Variants in TINAG observed in about 807,000 individuals in gnomAD.
TINAG encodes the protein tubulointerstitial nephritis antigen.
Under a neutral mutation model 72.7 loss-of-function variants are expected in TINAG, and 83 were observed. The ratio of observed to expected loss-of-function variants is 1.14; its 90% CI spans 0.96 to 1.37. The LOEUF is 1.37. Ranked by LOEUF, TINAG falls within the 40% of genes most tolerant of loss-of-function variation. The pLI is 0.00. For missense variants in TINAG, 685 were observed against 576.6 expected (o/e 1.19, Z -1.93); for synonymous variants, 234 against 189.9 (o/e 1.23, Z -1.91).
intron 8 of TINAG, among the ~76,000 whole-genome samples, chr6:54,352,363 C>A (rs1785286160): frequency 2.0e-5 from 3 of 151,702 alleles, no homozygotes; most frequent in South Asian, 2.1e-4. Context: ...TCATTATCAC[C>A]ACTTAGCATT....
intron 1 of TINAG, among the ~76,000 whole-genome samples, chr6:54,309,981 C>T (rs1241403090): frequency 1.3e-5 from 2 of 152,044 alleles, no homozygotes; most frequent in African/African-American, 2.4e-5. Context: ...TATTTATCCT[C>T]GGTCTTTACA....
At chr6:54,315,593 C>T (rs979416274) in intron 1 of TINAG, among the ~76,000 whole-genome samples, 2 of 151,992 alleles carry the variant, frequency 1.3e-5, no homozygotes, top group African/African-American at 4.8e-5. Context: ...AGGAGGATCC[C>T]TTAAGCCCAG....
chr6:54,366,273 T>C (rs1287064783), intron 9 of TINAG, among the ~76,000 whole-genome samples: 6 of 151,552 alleles, frequency 4.0e-5, no homozygotes, highest in Admixed American at 3.3e-4. Context: ...TGTGTGTGTG[T>C]GTGTGAAAAG....
intron 3 of TINAG, among the ~76,000 whole-genome samples, chr6:54,325,591 C>A (rs921905641): frequency 5.9e-5 from 9 of 152,068 alleles, no homozygotes; most frequent in African/African-American, 2.2e-4. Context: ...CCTATTATTT[C>A]TCCTATCTTC....
In TINAG at chr6:54,321,385, G is replaced by T; in HGVS notation, c.508G>T (p.Gly170Ter). Residue 170 changes from glycine (G) to a stop codon, truncating the protein, a stop_gained and splice_region_variant, in exon 3 of 11, where the codon GGA becomes TGA. Transcript: ENST00000259782. LOFTEE classifies it high-confidence loss of function. ...TGAACAGGTCAATAAAGGAGACTAT[G>T]GGTGAGAGAAATCTTGCTTTGTATG... ...LIEQVNKGDY[G>*]WTAQNYSQFW... 1 of 1,606,578 alleles carries T rather than the reference G, an allele frequency of 6.2e-7. No individual in the cohort carries two copies. Among genetic ancestry groups the T allele is most frequent in the Non-Finnish European group, 8.5e-7 (1 of 1,173,664 alleles).
rs745516423 is a variant in TINAG, at chr6:54,380,529, G to C, written c.1254G>C (p.Trp418Cys). 1 of 1,608,448 alleles carries C rather than the reference G, an allele frequency of 6.2e-7. No individual in the cohort carries two copies. Among genetic ancestry groups the C allele is most frequent in the South Asian group, 1.1e-5 (1 of 90,566 alleles). The stretch of plus-strand genomic sequence containing the variant: ...TTATTATTGTTATTAATTGTAGATG[G>C]GGCACACTGAGAGGAGCACAAGGGC... ...LQTHAVKLTG[W>C]GTLRGAQGQK... The change falls in exon 10 of 11, where the codon TGG (tryptophan) becomes TGC (cysteine). Residue 418 changes from tryptophan to cysteine, a missense_variant. By Grantham distance (215) the Trp-to-Cys change is radical. Transcript: ENST00000259782.
intron 9 of TINAG, among the ~76,000 whole-genome samples, chr6:54,378,819 C>T (rs1763860868): frequency 6.6e-6 from 1 of 152,140 alleles, no homozygotes. Flanking sequence ...AACCTAGTCT[C>T]TATCAGGAAT....
At chr6:54,337,246 A>ATTTTTTTTTTTTTTTTTTTTTT (rs34286210) in intron 4 of TINAG, among the ~76,000 whole-genome samples, 1 of 94,086 alleles carries the variant, frequency 1.1e-5, no homozygotes. Context: ...TGGGATTTGA[A>ATTTTTTTTTTTTTTTTTTTTTT]TTTTTTTTTT....
intron 4 of TINAG, among the ~76,000 whole-genome samples, chr6:54,330,863 G>C (rs961991361): frequency 1.6e-4 from 25 of 152,096 alleles, no homozygotes; most frequent in African/African-American, 6.0e-4. Context: ...TAGAAGAAAT[G>C]GATGAATTCC....
intron 4 of TINAG, among the ~76,000 whole-genome samples, chr6:54,329,774 G>A (rs1391399032): frequency 1.3e-5 from 2 of 151,904 alleles, no homozygotes; most frequent in South Asian, 2.1e-4. Flanking sequence ...AAGTGATGGA[G>A]GAATATTTAC....
chr6:54,380,513 T>A lies in TINAG; in HGVS notation c.1251-13T>A. 1.2e-6 allele frequency: 2 copies of A among 1,605,246 alleles called. No individual in the cohort carries two copies. Among genetic ancestry groups the A allele is most frequent in the Non-Finnish European group, 1.7e-6 (2 of 1,174,818 alleles). On this transcript the variant is annotated splice_polypyrimidine_tract_variant and intron_variant, in intron 9 of 10. Transcript: ENST00000259782. ...TTAACCATACCAATCTTTATTATTG[T>A]TATTAATTGTAGATGGGGCACACTG...
intron 3 of TINAG, among the ~76,000 whole-genome samples, chr6:54,326,294 C>T (rs1456924894): frequency 6.6e-6 from 1 of 151,726 alleles, no homozygotes; most frequent in Non-Finnish European, 1.5e-5. Context: ...ATTTCAATAT[C>T]TGATTAATTA....
rs1430071509 is a variant in TINAG, at chr6:54,320,652, T to G, written c.419+10T>G. The G allele has an allele frequency of 6.2e-7, 1 of 1,604,934 alleles. No individual in the cohort carries two copies. Among genetic ancestry groups the G allele is most frequent in the South Asian group, 1.1e-5 (1 of 89,618 alleles). ...AAAACTGCAACTCCTGGTAATAAAT[T>G]TAAGTGGCACAGAACTGAGTTCTAC... is the stretch of plus-strand genomic sequence containing the variant. On this transcript the variant is annotated intron_variant, in intron 2 of 10. Coordinates refer to ENST00000259782, the MANE Select transcript of TINAG (RefSeq NM_014464.4).
At chr6:54,343,432 A>G in intron 5 of TINAG, 83 bp downstream of exon 5, 1 of 1,237,668 alleles carries the variant, frequency 8.1e-7, no homozygotes, top group Non-Finnish European at 1.1e-6. Flanking sequence ...CAATTTTAAC[A>G]ATTAGAATAT....
intron 6 of TINAG, among the ~76,000 whole-genome samples, chr6:54,348,269 C>A (rs72959309): frequency 6.6e-6 from 1 of 151,994 alleles, no homozygotes; most frequent in Non-Finnish European, 1.5e-5. Context: ...TTTTTTCATA[C>A]GTTTTGCCTA....
chr6:54,365,745 A>C (rs1763388947), intron 9 of TINAG, among the ~76,000 whole-genome samples: 1 of 151,556 alleles, frequency 6.6e-6, no homozygotes, highest in South Asian at 2.1e-4. Context: ...TAAAGGAAAA[A>C]CCCATTAGAG....
At chr6:54,380,415 G>A in intron 9 of TINAG, 111 bp from the exon 10 acceptor site, 1 of 805,402 alleles carries the variant, frequency 1.2e-6, no homozygotes, top group Non-Finnish European at 2.0e-6. Flanking sequence ...GAAACAGGAT[G>A]GGACAGAGAG....
intron 9 of TINAG, among the ~76,000 whole-genome samples, chr6:54,376,776 T>C (rs1763795551): frequency 6.6e-6 from 1 of 152,164 alleles, no homozygotes; most frequent in Admixed American, 6.6e-5. Flanking sequence ...CTTTATGGTC[T>C]TTCCATAAAG....
chr6:54,350,036 AT>A (rs887066593), intron 7 of TINAG, 140 bp downstream of exon 7: 25 of 552,486 alleles, frequency 4.5e-5, no homozygotes, highest in Non-Finnish European at 5.8e-5. Flanking sequence ...AATTTTTAAT[AT>A]TTTTAAGGAC....
Sources: allele counts gnomAD v4.1 joint callset (sites outside exome capture counted in the v4.1 genomes callset), GRCh38; gene constraint gnomAD v4.1.1; transcripts MANE v1.5; gene names NCBI Gene and HGNC (gene_info 2026-07-23, HGNC 2026-07-21).